The following FBXW10 variants were observed in gnomAD, a reference collection of about 807,000 sequenced individuals.
FBXW10 encodes F-box and WD repeat domain containing 10, also known as F-box/WD repeat-containing protein 10.
FBXW10 carries 68 observed loss-of-function variants against 113.1 expected under a neutral mutation model. The observed-to-expected ratio is 0.60, with a 90% CI of 0.49 to 0.74. The LOEUF (loss-of-function observed/expected upper bound fraction) is 0.74. FBXW10 is among the 30% of genes least tolerant of loss of function. The pLI is 0.00. For missense variants in FBXW10, 753 were observed against 1,284.5 expected (o/e 0.59, Z 6.32); for synonymous variants, 289 against 481.6 (o/e 0.60, Z 5.24).
intron 5 of FBXW10, among the ~76,000 whole-genome samples, chr17:18,754,788 T>G (rs2035228209): frequency 6.6e-6 from 1 of 151,740 alleles, no homozygotes; most frequent in South Asian, 2.1e-4. Context: ...AGGAAGGAAA[T>G]AAAGAAAGAT....
At chr17:18,762,000 TC>T in intron 7 of FBXW10, among the ~76,000 whole-genome samples, 1 of 152,142 alleles carries the variant, frequency 6.6e-6, no homozygotes, top group South Asian at 2.1e-4. Context: ...TCTTGCTCTG[TC>T]GCCCAGGCTA....
At chr17:18,774,653 G>A (rs924804275) in intron 12 of FBXW10, among the ~76,000 whole-genome samples, 1 of 152,132 alleles carries the variant, frequency 6.6e-6, no homozygotes, top group Non-Finnish European at 1.5e-5. Context: ...AAAATTAGCC[G>A]GTGTGGTGGC....
rs1048889193 is a variant in FBXW10 at position 18,770,157 on chromosome 17, G to T, written c.2006+72G>T. ...TTTTTTGATTTTTTTCCTCCCCTGG[G>T]ATACCAGCCCTGGATTTGCTGTCAG... On this transcript the variant is annotated intron_variant, in intron 11 of 13. Coordinates refer to ENST00000395665, the MANE Select transcript of FBXW10 (RefSeq NM_001267585.2). The T allele has an allele frequency of 6.9e-6, 11 of 1,602,780 alleles. No individual in the cohort carries two copies. The African/African-American group carries it at 1.2e-4, about 18-fold the overall frequency.
chr17:18,744,793 A>G, intron 1 of FBXW10, 44 bp downstream of exon 1: 1 of 1,590,360 alleles, frequency 6.3e-7, no homozygotes, highest in Non-Finnish European at 8.6e-7. Flanking sequence ...CCCGAAGACC[A>G]GAAGGCAAGG....
intron 6 of FBXW10, 76 bp downstream of exon 6, chr17:18,756,230 C>G: frequency 2.1e-6 from 3 of 1,416,318 alleles, no homozygotes; most frequent in Non-Finnish European, 2.9e-6. Flanking sequence ...TTTCCCTGAC[C>G]TTTGTGTACA....
chr17:18,762,984 A>T (rs1026949180), intron 7 of FBXW10, among the ~76,000 whole-genome samples: 12 of 149,248 alleles, frequency 8.0e-5, no homozygotes, highest in Admixed American at 1.3e-4. Flanking sequence ...CTGTGCCATC[A>T]TTCAATGCAC....
Position 18,744,702 on chromosome 17 carries a change from C to A in FBXW10, c.458C>A (p.Ala153Asp), listed in dbSNP as rs2035006142. The part of the protein sequence containing the change: ...MCNPKLLLTA[A>D]NVIRVLFLRE... ...AACCCCAAATTACTGCTCACTGCTG[C>A]CAATGTGATCAGAGTCCTGTTTCTG... Residue 153 changes from alanine to aspartate, a missense_variant, in exon 1 of 14, where the codon GCC becomes GAC. Physicochemically the swap from Ala to Asp is moderately radical, Grantham distance 126. Transcript: ENST00000395665. The A allele has an allele frequency of 1.9e-6, 3 of 1,613,822 alleles. No homozygotes were observed. In the Admixed American group the frequency reaches 5.0e-5, roughly 27 times the overall value.
chr17:18,746,343 G>T (rs1464982009), intron 1 of FBXW10, among the ~76,000 whole-genome samples: 1 of 152,110 alleles, frequency 6.6e-6, no homozygotes, highest in African/African-American at 2.4e-5. Flanking sequence ...GGTCCAACAT[G>T]GGGAAGCTCA....
intron 13 of FBXW10, among the ~76,000 whole-genome samples, chr17:18,776,704 C>G (rs901945513): frequency 1.3e-5 from 2 of 152,164 alleles, no homozygotes; most frequent in Non-Finnish European, 2.9e-5. Flanking sequence ...ATGAGAGACC[C>G]CACTGCATTT....
At position 18,764,849 on chromosome 17, in the gene FBXW10, A is replaced by G. The variant is rs1054623666; in HGVS notation, c.1541A>G (p.Asp514Gly). 7 of 1,613,954 alleles carry G rather than the reference A, an allele frequency of 4.3e-6. No homozygotes were observed. The highest frequency in any genetic ancestry group is 5.9e-6 in the Non-Finnish European group (7 of 1,179,866). The change falls in exon 8 of 14, where the codon GAT (aspartate) becomes GGT (glycine). Residue 514 changes from aspartate (D) to glycine (G), a missense_variant. Coordinates refer to ENST00000395665, the MANE Select transcript of FBXW10 (RefSeq NM_001267585.2). ...AACAGGCTCGTATCTGGAGGAAGAG[A>G]TTGCCAGGTAAAAGGTGAGAAAGAA... Reference protein sequence around the residue: ...CKNRLVSGGRDCQVKVWDVDT... With the variant: ...CKNRLVSGGRGCQVKVWDVDT...
At chr17:18,764,893 G>A in intron 8 of FBXW10, 30 bp downstream of exon 8, 1 of 1,613,854 alleles carries the variant, frequency 6.2e-7, no homozygotes, top group East Asian at 2.2e-5. Context: ...AATTTTCTAA[G>A]AAGTTTCCCC....
chr17:18,767,635 C>T (rs2035523183), intron 9 of FBXW10, among the ~76,000 whole-genome samples: 1 of 152,058 alleles, frequency 6.6e-6, no homozygotes, highest in Non-Finnish European at 1.5e-5. Flanking sequence ...AACCCCTAGC[C>T]TTAGCGGGTG....
chr17:18,754,946 T>C lies in FBXW10; in HGVS notation c.1123-1099T>C, dbSNP rs575712739. Among the ~76,000 whole-genome samples, 12 of 152,324 alleles carry C rather than the reference T, an allele frequency of 7.9e-5. No individual in the cohort carries two copies. In the East Asian group the frequency reaches 2.3e-3, roughly 29 times the overall value. On this transcript the variant is annotated intron_variant, in intron 5 of 13. Coordinates refer to ENST00000395665, the MANE Select transcript of FBXW10 (RefSeq NM_001267585.2). ...AGGCAGCTACAAGGACAAATGAAAG[T>C]TGCAGATGTATGAAAACTTTGAAAT...
At chr17:18,774,670 C>T (rs2035672624) in intron 12 of FBXW10, among the ~76,000 whole-genome samples, 1 of 152,166 alleles carries the variant, frequency 6.6e-6, no homozygotes, top group East Asian at 1.9e-4. Flanking sequence ...TGGCGCATGC[C>T]TGTAATTCCA....
chr17:18,768,630 A>G lies in FBXW10; in HGVS notation c.1801A>G (p.Met601Val), dbSNP rs140982768. 5 of 1,613,862 alleles carry G rather than the reference A, an allele frequency of 3.1e-6. No homozygotes were observed. In the African/African-American group the frequency reaches 6.7e-5, roughly 22 times the overall value. ...TGATGGCCTGGTCATGGCCTGGAGC[A>G]TGGTGGGGAAGTACGAGCGCTGCCT... ...STDGLVMAWS[M>V]VGKYERCLMA... Residue 601 changes from methionine to valine, a missense_variant, in exon 10 of 14, where the codon ATG (methionine) becomes GTG (valine). Met to Val is a conservative substitution (Grantham distance 21). Transcript: ENST00000395665.
intron 12 of FBXW10, among the ~76,000 whole-genome samples, chr17:18,773,436 G>A (rs2035651965): frequency 6.6e-6 from 1 of 152,142 alleles, no homozygotes; most frequent in South Asian, 2.1e-4. Context: ...ATTGTTTTTA[G>A]ACCTGAGAGA....
At chr17:18,774,111 G>A (rs2035662294) in intron 12 of FBXW10, among the ~76,000 whole-genome samples, 1 of 150,580 alleles carries the variant, frequency 6.6e-6, no homozygotes. Flanking sequence ...CTGTAAAGAG[G>A]TGACAATCAC....
At chr17:18,764,963 A>T in intron 8 of FBXW10, 100 bp downstream of exon 8, 3 of 1,609,386 alleles carry the variant, frequency 1.9e-6, no homozygotes, top group Non-Finnish European at 2.5e-6. Flanking sequence ...GCAGTCATTT[A>T]TTCTTTATCA....
chr17:18,748,194 C>T, intron 2 of FBXW10, 89 bp downstream of exon 2: 1 of 1,569,424 alleles, frequency 6.4e-7, no homozygotes, highest in Non-Finnish European at 8.7e-7. Context: ...CCGAGGCAAG[C>T]AGATCATGAG....
Sources: gnomAD v4.1 joint callset for allele counts (sites outside exome capture counted in the v4.1 genomes callset) on GRCh38, gnomAD v4.1.1 for gene constraint, MANE v1.5 for transcripts, NCBI Gene and HGNC (gene_info 2026-07-23, HGNC 2026-07-21) for gene names.